The following JAKMIP2 variants were observed in gnomAD, a reference collection of about 807,000 sequenced individuals.
The protein encoded by JAKMIP2 is janus kinase and microtubule interacting protein 2, also known as janus kinase and microtubule-interacting protein 2.
JAKMIP2 carries 25 observed loss-of-function variants against 115.0 expected under a neutral mutation model. That is an observed-to-expected ratio of 0.22 (90% CI 0.16 to 0.30). The LOEUF (loss-of-function observed/expected upper bound fraction) is 0.30. Ranked by LOEUF, JAKMIP2 falls within the 10% of genes least tolerant of loss-of-function variation. The pLI, the probability that JAKMIP2 is intolerant of heterozygous loss-of-function variation, is 1.00. For missense variants in JAKMIP2, 642 were observed against 957.6 expected, an observed-to-expected ratio of 0.67 and a Z score of 4.35; for synonymous variants, 334 against 343.6, an observed-to-expected ratio of 0.97 and a Z score of 0.31.
intron 1 of JAKMIP2, among the ~76,000 whole-genome samples, chr5:147,685,384 G>T (rs550240879): frequency 6.6e-6 from 1 of 152,158 alleles, no homozygotes; most frequent in South Asian, 2.1e-4. Context: ...ATTTTCAGGG[G>T]GCTTAGTATA....
At position 147,754,572 on chromosome 5, in the gene JAKMIP2, A is replaced by G. The variant is rs117347820; in HGVS notation, c.-149+27884T>C. On this transcript the variant is annotated intron_variant, in intron 1 of 21. Transcript: ENST00000616793. ...CTCAGCTCTCACTTTAAGGATGACT[A>G]GAGTTTCAGAATTCAAGTCATAAGA... Among the ~76,000 whole-genome samples the G allele has an allele frequency of 4.9e-4, 75 of 152,294 alleles. 1 individual carries two copies. In the East Asian group the frequency reaches 0.014, roughly 28 times the overall value.
At chr5:147,654,003 C>T (rs1758540689) in intron 3 of JAKMIP2, among the ~76,000 whole-genome samples, 2 of 152,044 alleles carry the variant, frequency 1.3e-5, no homozygotes, top group Non-Finnish European at 2.9e-5. Flanking sequence ...TCAGGTTTGT[C>T]GAAGATCAGG....
chr5:147,712,856 T>C (rs1752835997), intron 1 of JAKMIP2, among the ~76,000 whole-genome samples: 1 of 152,176 alleles, frequency 6.6e-6, no homozygotes, highest in South Asian at 2.1e-4. Flanking sequence ...TTCCTCTTTC[T>C]CAAGTAAAAG....
intron 1 of JAKMIP2, among the ~76,000 whole-genome samples, chr5:147,688,225 T>C (rs1760664715): frequency 6.6e-6 from 1 of 152,224 alleles, no homozygotes; most frequent in Admixed American, 6.5e-5. Context: ...GTATCATTCA[T>C]TGTCATAATG....
At chr5:147,702,571 A>AGAAG (rs1320704890) in intron 1 of JAKMIP2, among the ~76,000 whole-genome samples, 2,119 of 123,076 alleles carry the variant, frequency 0.017, 116 homozygotes, top group East Asian at 0.069. Context: ...AAAGAAAGAA[A>AGAAG]GAAAGAAGGA....
intron 1 of JAKMIP2, among the ~76,000 whole-genome samples, chr5:147,718,583 T>G (rs1186419997): frequency 5.3e-5 from 8 of 151,368 alleles, no homozygotes; most frequent in Non-Finnish European, 1.0e-4. Context: ...TGGGAGAGTG[T>G]ATGTGTCGAG....
intron 1 of JAKMIP2, among the ~76,000 whole-genome samples, chr5:147,764,336 CAAGTATGACAGG>C (rs1755033975): frequency 6.6e-6 from 1 of 151,972 alleles, no homozygotes; most frequent in African/African-American, 2.4e-5. Flanking sequence ...ATAGTGACCA[CAAGTATGACAGG>C]AATTCAGACA....
intron 20 of JAKMIP2, among the ~76,000 whole-genome samples, chr5:147,611,045 G>T (rs1004208335): frequency 6.6e-6 from 1 of 152,046 alleles, no homozygotes; most frequent in East Asian, 1.9e-4. Flanking sequence ...CACCAAGATC[G>T]GGCACCCCAG....
At chr5:147,596,780 C>CTTT (rs1379087902) in intron 21 of JAKMIP2, among the ~76,000 whole-genome samples, 1 of 152,152 alleles carries the variant, frequency 6.6e-6, no homozygotes, top group East Asian at 1.9e-4. Context: ...GATATATTTA[C>CTTT]ACAAAAAGGA....
intron 20 of JAKMIP2, among the ~76,000 whole-genome samples, chr5:147,605,154 C>T (rs933874118): frequency 9.3e-5 from 14 of 150,804 alleles, no homozygotes; most frequent in African/African-American, 3.2e-4. Context: ...AGGATACAAA[C>T]TCATCGTTTT....
intron 1 of JAKMIP2, among the ~76,000 whole-genome samples, chr5:147,730,266 C>A (rs999315599): frequency 6.6e-6 from 1 of 152,128 alleles, no homozygotes; most frequent in African/African-American, 2.4e-5. Flanking sequence ...CTTTGCCTGG[C>A]CAAACTTTCA....
In JAKMIP2 at chr5:147,671,856, T is replaced by C. The variant is rs905866629; in HGVS notation, c.-50A>G. ...TGGTTTTTAATTTCTTTCAAGCAGGTGCTGCCATGTTACTGTTTCTTATCC... is the reference window on the plus strand; with the variant it reads ...TGGTTTTTAATTTCTTTCAAGCAGGCGCTGCCATGTTACTGTTTCTTATCC... On this transcript the variant is annotated 5_prime_UTR_variant, in exon 2 of 22. Coordinates refer to ENST00000616793, the MANE Select transcript of JAKMIP2 (RefSeq NM_001270941.2). The C allele has an allele frequency of 3.2e-5, 48 of 1,482,190 alleles. No individual in the cohort carries two copies. Among genetic ancestry groups the C allele is most frequent in the Non-Finnish European group, 4.3e-5 (48 of 1,106,958 alleles). 91.8% of individuals were successfully genotyped at this position (1,482,190 alleles called of 1,614,324 possible). A position where few individuals can be genotyped will look rare whatever the true frequency, so the allele number is the denominator to read the frequency against.
At chr5:147,604,629 C>T (rs1399599556) in intron 20 of JAKMIP2, among the ~76,000 whole-genome samples, 3 of 152,050 alleles carry the variant, frequency 2.0e-5, no homozygotes, top group African/African-American at 7.2e-5. Context: ...TAGTTTGCTA[C>T]TTTCTTCTTG....
In JAKMIP2 at chr5:147,627,582, A is replaced by G. The variant is rs1431814674; in HGVS notation, c.1995+1169T>C. Reference sequence around the variant, plus strand: ...GATTAGGTCTGTAATTAAACTGTGTAGGAAGTAAGTTTTTTTAAAAGAAAA... The same window carrying G: ...GATTAGGTCTGTAATTAAACTGTGTGGGAAGTAAGTTTTTTTAAAAGAAAA... On this transcript the variant is annotated intron_variant, in intron 16 of 21. Coordinates refer to ENST00000616793, the MANE Select transcript of JAKMIP2 (RefSeq NM_001270941.2). Among the ~76,000 whole-genome samples the G allele has an allele frequency of 2.7e-5, 4 of 149,888 alleles. No homozygotes were observed. In the East Asian group the frequency reaches 8.1e-4, roughly 30 times the overall value.
At chr5:147,596,545 C>T (rs1755398484) in intron 21 of JAKMIP2, among the ~76,000 whole-genome samples, 1 of 152,164 alleles carries the variant, frequency 6.6e-6, no homozygotes. Flanking sequence ...TCTAACATAT[C>T]CCAAATCTGC....
intron 12 of JAKMIP2, among the ~76,000 whole-genome samples, chr5:147,633,276 G>A (rs1757455001): frequency 6.6e-6 from 1 of 152,036 alleles, no homozygotes; most frequent in South Asian, 2.1e-4. Context: ...TTACCACCTA[G>A]CTTTCCAGTT....
chr5:147,660,423 G>A (rs1480499740), intron 3 of JAKMIP2: 1 of 448,428 alleles, frequency 2.2e-6, no homozygotes, highest in Non-Finnish European at 4.5e-6. Flanking sequence ...AAAATGACTA[G>A]GGATTTTATC....
intron 1 of JAKMIP2, among the ~76,000 whole-genome samples, chr5:147,772,377 T>C (rs1180242122): frequency 2.0e-5 from 3 of 151,240 alleles, no homozygotes; most frequent in Non-Finnish European, 2.9e-5. Context: ...TTTCAGCTTC[T>C]ATATGAATGA....
rs367850012 is a variant in JAKMIP2 at position 147,650,318 on chromosome 5, T to G, written c.837+20A>C. 229 of 1,508,324 alleles carry G rather than the reference T, an allele frequency of 1.5e-4. No homozygotes were observed. The highest frequency in any genetic ancestry group is 1.9e-4 in the Non-Finnish European group (206 of 1,083,640). The allele number at this position is 1,508,324 out of a possible 1,614,324, so 93.4% of individuals were successfully genotyped here. On this transcript the variant is annotated intron_variant, in intron 4 of 21. Coordinates refer to ENST00000616793, the MANE Select transcript of JAKMIP2 (RefSeq NM_001270941.2). Reference sequence around the variant, plus strand: ...AAAAGATGACTTGTGCATTCTTAACTTCAACTAGAATGGACTTACAGGACT... The same window carrying G: ...AAAAGATGACTTGTGCATTCTTAACGTCAACTAGAATGGACTTACAGGACT...
Sources: gnomAD v4.1 joint callset for allele counts (sites outside exome capture counted in the v4.1 genomes callset) on GRCh38, gnomAD v4.1.1 for gene constraint, MANE v1.5 for transcripts, NCBI Gene and HGNC (gene_info 2026-07-23, HGNC 2026-07-21) for gene names.